Variants in ATL2 observed in about 807,000 individuals in gnomAD.
ATL2 encodes the protein atlastin-2.
ATL2 carries 31 observed loss-of-function variants against 73.9 expected under a neutral mutation model. The ratio of observed to expected loss-of-function variants is 0.42; its 90% confidence interval spans 0.32 to 0.57. The LOEUF (loss-of-function observed/expected upper bound fraction) is 0.57. ATL2 is among the 20% of genes least tolerant of loss of function. The pLI, the probability that ATL2 is intolerant of heterozygous loss-of-function variation, is 0.14. For synonymous variants in ATL2, 291 were observed against 237.5 expected, an observed-to-expected ratio of 1.23 and a Z score of -2.07; for missense variants, 738 against 702.6, an observed-to-expected ratio of 1.05 and a Z score of -0.57.
At chr2:38,337,569 G>A (rs190807054) in intron 2 of ATL2, among the ~76,000 whole-genome samples, 138 of 146,752 alleles carry the variant, frequency 9.4e-4, no homozygotes, top group African/African-American at 3.3e-3. Context: ...TAATATTAAG[G>A]GATTATTATT....
intron 9 of ATL2, 70 bp downstream of exon 9, chr2:38,309,309 T>G (rs1008213465): frequency 7.0e-7 from 1 of 1,421,650 alleles, no homozygotes; most frequent in African/African-American, 1.5e-5. Flanking sequence ...AGAAATTTCT[T>G]ATACATACAG....
At chr2:38,313,650 G>T (rs945126122) in intron 6 of ATL2, among the ~76,000 whole-genome samples, 1 of 152,152 alleles carries the variant, frequency 6.6e-6, no homozygotes, top group Non-Finnish European at 1.5e-5. Flanking sequence ...ACTCACAGAG[G>T]ATGTTTTTAC....
At chr2:38,377,418 C>T (rs896759816), upstream of ATL2, 11 of 591,712 alleles carry the variant, frequency 1.9e-5, no homozygotes, top group East Asian at 3.4e-5. Flanking sequence ...CCGCCTGTAT[C>T]TCCTCGCCCT....
At chr2:38,311,132 G>C (rs1667736566) in intron 7 of ATL2, among the ~76,000 whole-genome samples, 1 of 150,112 alleles carries the variant, frequency 6.7e-6, no homozygotes. Flanking sequence ...AAAAAAAAAA[G>C]TATAAATTTG....
intron 4 of ATL2, chr2:38,318,320 T>C (rs778839814): frequency 1.6e-5 from 6 of 365,704 alleles, no homozygotes; most frequent in Non-Finnish European, 2.4e-5. Flanking sequence ...CTACTAAAAA[T>C]ACAAAAAAAT....
intron 2 of ATL2, among the ~76,000 whole-genome samples, chr2:38,335,688 A>ATAT (rs1558424039): frequency 1.2e-4 from 18 of 150,960 alleles, no homozygotes; most frequent in Admixed American, 7.2e-4. Flanking sequence ...TATATATATA[A>ATAT]AAATGCACTG....
chr2:38,340,494 C>T (rs556299199), intron 2 of ATL2, among the ~76,000 whole-genome samples: 2 of 152,244 alleles, frequency 1.3e-5, no homozygotes, highest in South Asian at 2.1e-4. Context: ...ACCATACCCA[C>T]CAATTCTGTC....
intron 1 of ATL2, among the ~76,000 whole-genome samples, chr2:38,346,064 C>G (rs753707835): frequency 6.6e-6 from 1 of 152,198 alleles, no homozygotes; most frequent in Admixed American, 6.5e-5. Context: ...AGTGTAGCTG[C>G]GTACTGACAC....
chr2:38,332,770 C>CAT lies in ATL2; in HGVS notation c.363+10496_363+10497dup, dbSNP rs1257397410. Among the ~76,000 whole-genome samples, 4 of 152,260 alleles carry CAT rather than the reference C, an allele frequency of 2.6e-5. No individual in the cohort carries two copies. The East Asian group carries it at 7.7e-4, about 29-fold the overall frequency. ...CCCACTCAAGTTTCTGTTGACTGTC[C>CAT]ATATACTAGTACAATGTGACATAAA... On this transcript the variant is annotated intron_variant, in intron 2 of 12. Transcript: ENST00000378954.
chr2:38,315,259 A>T (rs925572220), intron 5 of ATL2, 25 bp downstream of exon 5: 16 of 1,470,924 alleles, frequency 1.1e-5, no homozygotes, highest in African/African-American at 1.5e-5. Context: ...CTCAAAAAAT[A>T]AAAATTAAAA....
chr2:38,358,596 G>A, intron 1 of ATL2: 1 of 288,450 alleles, frequency 3.5e-6, no homozygotes, highest in Non-Finnish European at 7.3e-6. Context: ...GGAGGCTGAG[G>A]CCGGAGAATG....
At chr2:38,299,853 A>G (rs1667092591) in intron 10 of ATL2, among the ~76,000 whole-genome samples, 1 of 152,264 alleles carries the variant, frequency 6.6e-6, no homozygotes, top group Admixed American at 6.5e-5. Context: ...AAAGACAGAA[A>G]AAGAAGTGAG....
At chr2:38,302,814 G>C (rs1667257619) in intron 9 of ATL2, among the ~76,000 whole-genome samples, 1 of 152,244 alleles carries the variant, frequency 6.6e-6, no homozygotes, top group South Asian at 2.1e-4. Context: ...CAACACCCAA[G>C]TCCCTTCAAA....
intron 2 of ATL2, among the ~76,000 whole-genome samples, chr2:38,320,399 G>C (rs927727816): frequency 2.0e-5 from 3 of 152,120 alleles, no homozygotes; most frequent in African/African-American, 7.2e-5. Flanking sequence ...AAGGAAAAAA[G>C]AGAACAGATA....
chr2:38,320,018 G>C (rs973144193), intron 2 of ATL2, among the ~76,000 whole-genome samples: 2 of 152,186 alleles, frequency 1.3e-5, no homozygotes, highest in South Asian at 2.1e-4. Flanking sequence ...TCAGGCAAGA[G>C]AATCACTTGA....
intron 1 of ATL2, among the ~76,000 whole-genome samples, chr2:38,346,035 T>C (rs1332335449): frequency 1.7e-4 from 26 of 152,226 alleles, no homozygotes; most frequent in Admixed American, 1.6e-3. Context: ...CAAAATGCTA[T>C]GGTGATTTTC....
intron 2 of ATL2, among the ~76,000 whole-genome samples, chr2:38,333,383 TA>T (rs76025416): frequency 1.3e-5 from 2 of 151,064 alleles, no homozygotes; most frequent in Non-Finnish European, 3.0e-5. Flanking sequence ...TTAATTACCT[TA>T]AAAAAAAAGT....
In ATL2 at chr2:38,314,674, AGAGT is replaced by A; in HGVS notation, c.655-14_655-11del. ...CATACTCTGTAAATAACTATTAAAT[AGAGT>A]TAGTTAAAATAATGCCTCTAAAGAG... On this transcript the variant is annotated splice_polypyrimidine_tract_variant and intron_variant, in intron 5 of 12. Coordinates refer to ENST00000378954, the MANE Select transcript of ATL2 (RefSeq NM_001135673.4). 1.3e-6 allele frequency: 2 copies of A among 1,557,940 alleles called. No homozygotes were observed. Among genetic ancestry groups the A allele is most frequent in the Non-Finnish European group, 8.8e-7 (1 of 1,132,468 alleles).
At chr2:38,320,446 G>A (rs777516156) in intron 2 of ATL2, among the ~76,000 whole-genome samples, 2 of 152,086 alleles carry the variant, frequency 1.3e-5, no homozygotes, top group Non-Finnish European at 1.5e-5. Flanking sequence ...ATACATTGGA[G>A]TTCATTATAC....
Sources: gnomAD v4.1 joint callset for allele counts (sites outside exome capture counted in the v4.1 genomes callset) on GRCh38, gnomAD v4.1.1 for gene constraint, MANE v1.5 for transcripts, NCBI Gene and HGNC (gene_info 2026-07-23, HGNC 2026-07-21) for gene names.